TRHDE: variants seen among roughly 807,000 people sequenced by gnomAD.
The protein encoded by TRHDE is thyrotropin releasing hormone degrading enzyme.
TRHDE carries 72 observed loss-of-function variants against 125.7 expected under a neutral mutation model. That is an observed-to-expected ratio of 0.57 (90% CI 0.47 to 0.70). The LOEUF is 0.70. Ranked by LOEUF, TRHDE falls within the 30% of genes least tolerant of loss-of-function variation. The pLI is 0.00. For synonymous variants in TRHDE, 509 were observed against 509.1 expected (o/e 1.00, Z 0.00); for missense variants, 1,110 against 1,327.1 (o/e 0.84, Z 2.54).
chr12:72,373,223 T>A (rs902048395), intron 2 of TRHDE, among the ~76,000 whole-genome samples: 21 of 152,210 alleles, frequency 1.4e-4, no homozygotes, highest in African/African-American at 5.1e-4. Flanking sequence ...ATGCTTGTGA[T>A]TTTTGTACAT....
intron 2 of TRHDE, among the ~76,000 whole-genome samples, chr12:72,261,670 T>C (rs1016277567): frequency 1.3e-5 from 2 of 152,152 alleles, no homozygotes; most frequent in Admixed American, 6.6e-5. Context: ...CAAAATGGTA[T>C]TAGAAAAGCA....
At chr12:72,160,285 C>T (rs546034128) in intron 2 of TRHDE, among the ~76,000 whole-genome samples, 4 of 152,244 alleles carry the variant, frequency 2.6e-5, no homozygotes, top group Admixed American at 2.6e-4. Flanking sequence ...CACAAAACAG[C>T]AGCATAAGCA....
rs1874979427 is a variant in TRHDE at position 72,663,080 on chromosome 12, G to A, written c.3095G>A (p.Gly1032Glu). 1 of 1,611,720 alleles carries A rather than the reference G, an allele frequency of 6.2e-7. No individual in the cohort carries two copies. The highest frequency in any genetic ancestry group is 1.7e-5 in the Admixed American group (1 of 59,718). The change falls in exon 19 of 19, where the codon GGG becomes GAG. Residue 1032 changes from glycine (G) to glutamate (E), a missense_variant. Gly to Glu is a moderately conservative substitution (Grantham distance 98, BLOSUM62 -2). This residue lies in a region of TRHDE where 527 missense variants were observed against 651.8 expected (regional missense o/e 0.81). Coordinates refer to ENST00000261180, the MANE Select transcript of TRHDE (RefSeq NM_013381.3). Reference sequence around the variant, plus strand: ...AAGAACTTCATGAAAAACTATGATGGGGTAGCTGCTGCTTCTTTCTCACGA... The same window carrying A: ...AAGAACTTCATGAAAAACTATGATGAGGTAGCTGCTGCTTCTTTCTCACGA... ...ELKNFMKNYD[G>E]VAAASFSRAV...
At chr12:72,373,633 G>A (rs112698198) in intron 2 of TRHDE, among the ~76,000 whole-genome samples, 4,207 of 152,318 alleles carry the variant, frequency 0.028, 79 homozygotes, top group Non-Finnish European at 0.039. Context: ...AAAGGAGATA[G>A]ATGGTCCTGG....
At chr12:72,594,554 T>G (rs1443019277) in intron 12 of TRHDE, among the ~76,000 whole-genome samples, 2 of 151,198 alleles carry the variant, frequency 1.3e-5, no homozygotes, top group African/African-American at 4.9e-5. Context: ...TAAGAATTAC[T>G]CATATAATCC....
intron 3 of TRHDE, among the ~76,000 whole-genome samples, chr12:72,391,907 T>G (rs1872624491): frequency 6.6e-6 from 1 of 152,190 alleles, no homozygotes; most frequent in Non-Finnish European, 1.5e-5. Flanking sequence ...TAAAGCCTAA[T>G]GTAACTGTAT....
intron 3 of TRHDE, among the ~76,000 whole-genome samples, chr12:72,406,845 A>C (rs1279709899): frequency 6.6e-6 from 1 of 152,210 alleles, no homozygotes; most frequent in African/African-American, 2.4e-5. Context: ...TGTGGTGTTA[A>C]AATTTAAAAA....
chr12:72,580,943 G>T (rs796315571), intron 12 of TRHDE, among the ~76,000 whole-genome samples: 1 of 152,128 alleles, frequency 6.6e-6, no homozygotes, highest in East Asian at 1.9e-4. Flanking sequence ...AATTAGTGTG[G>T]CCTAGGAAGA....
intron 6 of TRHDE, among the ~76,000 whole-genome samples, chr12:72,510,837 G>T (rs1007883491): frequency 1.3e-5 from 2 of 152,110 alleles, no homozygotes; most frequent in Non-Finnish European, 2.9e-5. Flanking sequence ...GGGAGAAAGA[G>T]AGATTGATTT....
At chr12:72,412,627 C>A (rs1047121638) in intron 3 of TRHDE, among the ~76,000 whole-genome samples, 4 of 151,992 alleles carry the variant, frequency 2.6e-5, no homozygotes, top group African/African-American at 9.7e-5. Context: ...CAAAGCAGAA[C>A]TGTTTATAAT....
At chr12:72,461,599 G>A (rs1876127997) in intron 3 of TRHDE, among the ~76,000 whole-genome samples, 1 of 151,342 alleles carries the variant, frequency 6.6e-6, no homozygotes, top group South Asian at 2.1e-4. Flanking sequence ...ACCAGTCATG[G>A]TATAATCAAA....
At chr12:72,099,426 T>C (rs1431562515) in intron 1 of TRHDE, among the ~76,000 whole-genome samples, 1 of 152,218 alleles carries the variant, frequency 6.6e-6, no homozygotes, top group Non-Finnish European at 1.5e-5. Context: ...TCTTTAGGTA[T>C]AAAGACTCAG....
chr12:72,401,074 A>G (rs1192012306), intron 3 of TRHDE, among the ~76,000 whole-genome samples: 1 of 152,124 alleles, frequency 6.6e-6, no homozygotes, highest in Non-Finnish European at 1.5e-5. Flanking sequence ...CTTGTTTTCT[A>G]AAAGAGTTAC....
intron 2 of TRHDE, among the ~76,000 whole-genome samples, chr12:72,330,674 A>G (rs745391570): frequency 1.8e-4 from 28 of 152,252 alleles, no homozygotes; most frequent in Non-Finnish European, 3.7e-4. Context: ...TTTCATACAC[A>G]GGGCAGGACA....
intron 5 of TRHDE, among the ~76,000 whole-genome samples, chr12:72,496,772 G>A (rs1350690073): frequency 6.6e-6 from 1 of 152,056 alleles, no homozygotes; most frequent in African/African-American, 2.4e-5. Context: ...CATAGTTTCA[G>A]GTAGACAGTA....
chr12:72,160,480 T>C (rs975386615), intron 2 of TRHDE, among the ~76,000 whole-genome samples: 2 of 151,914 alleles, frequency 1.3e-5, no homozygotes, highest in African/African-American at 4.8e-5. Flanking sequence ...AGGTCAGCAG[T>C]TTTCAACACT....
intron 3 of TRHDE, among the ~76,000 whole-genome samples, chr12:72,400,205 T>C (rs553009166): frequency 6.6e-6 from 1 of 152,260 alleles, no homozygotes; most frequent in Non-Finnish European, 1.5e-5. Flanking sequence ...AATGAATTTT[T>C]ACAGTGAAAA....
chr12:72,356,818 G>A (rs1460449627), intron 2 of TRHDE, among the ~76,000 whole-genome samples: 1 of 151,462 alleles, frequency 6.6e-6, no homozygotes, highest in Non-Finnish European at 1.5e-5. Context: ...GCCACATTTG[G>A]AAACATCATG....
At chr12:72,284,285 G>A (rs944668522) in intron 1 of TRHDE, among the ~76,000 whole-genome samples, 2 of 152,122 alleles carry the variant, frequency 1.3e-5, no homozygotes, top group African/African-American at 4.8e-5. Context: ...TATTCGTTCA[G>A]TGATTGAATT....
Sources: allele counts gnomAD v4.1 joint callset (sites outside exome capture counted in the v4.1 genomes callset), GRCh38; gene constraint gnomAD v4.1.1; regional missense constraint gnomAD v4.1.1; transcripts MANE v1.5; gene names NCBI Gene and HGNC (gene_info 2026-07-23, HGNC 2026-07-21).